The following WWP2 variants were observed in gnomAD, a reference collection of about 807,000 sequenced individuals.
The protein encoded by WWP2 is WW domain containing E3 ubiquitin protein ligase 2.
Under a neutral mutation model 121.0 loss-of-function variants are expected in WWP2, and 57 were observed. The observed-to-expected ratio is 0.47, with a 90% CI of 0.38 to 0.59. The LOEUF is 0.59. WWP2 is among the 20% of genes least tolerant of loss of function. WWP2 has a pLI of 0.00. For synonymous variants in WWP2, 449 were observed against 441.3 expected, an observed-to-expected ratio of 1.02 and a Z score of -0.22; for missense variants, 962 against 1,158.9, an observed-to-expected ratio of 0.83 and a Z score of 2.47.
Position 69,833,029 on chromosome 16 carries a change from T to C in WWP2, c.341-7097T>C, listed in dbSNP as rs1289418230. On this transcript the variant is annotated intron_variant, in intron 4 of 23. Transcript: ENST00000359154. The stretch of plus-strand genomic sequence containing the variant: ...CCACCACGTCCAACTAATTATTTTA[T>C]TTTATTTTTTATACAGATGGGGTCT... Among the ~76,000 whole-genome samples the C allele has an allele frequency of 4.6e-5, 7 of 152,096 alleles. No individual in the cohort carries two copies. In the East Asian group the frequency reaches 1.3e-3, roughly 29 times the overall value.
chr16:69,929,678 C>T (rs2058685897), intron 12 of WWP2, 149 bp downstream of exon 12: 1 of 693,728 alleles, frequency 1.4e-6, no homozygotes, highest in Non-Finnish European at 2.5e-6. Context: ...TCTCACCGTA[C>T]AGATACACTG....
In WWP2 at chr16:69,939,473, C is replaced by T. The variant is rs373742013; in HGVS notation, c.2513+60C>T. 2.3e-5 allele frequency: 36 copies of T among 1,574,014 alleles called. No individual in the cohort carries two copies. In the African/African-American group the frequency reaches 3.6e-4, roughly 16 times the overall value. On this transcript the variant is annotated intron_variant, in intron 23 of 23. Transcript: ENST00000359154. ...CCTCAGACCCGATGAGCTCCTGGGA[C>T]AGCCCAGTGGGTGTAGCAGCTTCAT...
intron 2 of WWP2, among the ~76,000 whole-genome samples, chr16:69,789,208 C>A (rs1156303837): frequency 1.3e-5 from 2 of 151,992 alleles, no homozygotes; most frequent in Non-Finnish European, 2.9e-5. Flanking sequence ...CCAGTGTGTG[C>A]CACCAGGCCT....
intron 8 of WWP2, among the ~76,000 whole-genome samples, chr16:69,890,546 G>A (rs2058007706): frequency 6.6e-6 from 1 of 152,128 alleles, no homozygotes; most frequent in African/African-American, 2.4e-5. Context: ...ATAATTTGGG[G>A]GGAACAATGC....
chr16:69,888,129 C>G lies in WWP2; in HGVS notation c.794C>G (p.Pro265Arg). 1 of 1,614,178 alleles carries G rather than the reference C, an allele frequency of 6.2e-7. No individual in the cohort carries two copies. The highest frequency in any genetic ancestry group is 8.5e-7 in the Non-Finnish European group (1 of 1,180,028). ...SPPAAPLSVT[P>R]NPNTTSLPAP... ...CCTGCTGCACCCTTGAGTGTGACCC[C>G]GAATCCCAACACGACTTCTCTCCCT... Residue 265 changes from proline (P) to arginine (R), a missense_variant, in exon 8 of 24, where the codon CCG (proline) becomes CGG (arginine). Physicochemically the swap from Pro to Arg is moderately radical, Grantham distance 103. Coordinates refer to ENST00000359154, the MANE Select transcript of WWP2 (RefSeq NM_001270454.2).
At chr16:69,787,550 A>T (rs1461570414) in intron 2 of WWP2, among the ~76,000 whole-genome samples, 1 of 152,172 alleles carries the variant, frequency 6.6e-6, no homozygotes, top group Non-Finnish European at 1.5e-5. Flanking sequence ...TGATCACACC[A>T]CTGCACTCAG....
intron 6 of WWP2, among the ~76,000 whole-genome samples, chr16:69,864,854 C>T (rs945757658): frequency 2.6e-5 from 4 of 152,040 alleles, no homozygotes; most frequent in Non-Finnish European, 4.4e-5. Flanking sequence ...TGAAGCAATC[C>T]GCCTGCCTCG....
intron 1 of WWP2, among the ~76,000 whole-genome samples, chr16:69,778,994 G>A (rs1488066431): frequency 6.6e-6 from 1 of 150,920 alleles, no homozygotes; most frequent in Non-Finnish European, 1.5e-5. Context: ...CTGTTGCCCA[G>A]GCTGGAGTGC....
intron 1 of WWP2, among the ~76,000 whole-genome samples, chr16:69,773,398 C>T (rs984328489): frequency 2.0e-5 from 3 of 152,130 alleles, no homozygotes; most frequent in East Asian, 1.9e-4. Context: ...GGGCTGATCT[C>T]GAACTCTTGA....
chr16:69,899,500 C>T (rs1466239843), intron 8 of WWP2, among the ~76,000 whole-genome samples: 3 of 152,066 alleles, frequency 2.0e-5, no homozygotes, highest in Non-Finnish European at 4.4e-5. Flanking sequence ...GAGGCCGAGG[C>T]AGGTGGATCA....
intron 2 of WWP2, among the ~76,000 whole-genome samples, chr16:69,791,765 C>T (rs1396283454): frequency 6.6e-6 from 1 of 152,048 alleles, no homozygotes; most frequent in Non-Finnish European, 1.5e-5. Flanking sequence ...AGCAGTTCTC[C>T]CACCTTGGCC....
rs768359017 is a variant in WWP2, at chr16:69,888,157, C to A, written c.822C>A (p.Ala274=). 5.0e-6 allele frequency: 8 copies of A among 1,614,084 alleles called. No homozygotes were observed. The South Asian group carries it at 8.8e-5, about 18-fold the overall frequency. ...TPNPNTTSLP[A]PATPAEGEEP... Reference sequence around the variant, plus strand: ...ATCCCAACACGACTTCTCTCCCTGCCCCAGCCACACCGGCTGAAGGAGAGG... The same window carrying A: ...ATCCCAACACGACTTCTCTCCCTGCACCAGCCACACCGGCTGAAGGAGAGG... The change falls in exon 8 of 24, where the codon GCC becomes GCA. Residue 274 remains alanine, a synonymous_variant. Transcript: ENST00000359154.
In WWP2 at chr16:69,935,727, T is replaced by C; in HGVS notation, c.1843-126T>C. ...CTCCCGCTGCGTCCGAGGCAGCTGCTGCTGTAGTTCTGTCAGGGAAGGAAG... is the reference window on the plus strand; with the variant it reads ...CTCCCGCTGCGTCCGAGGCAGCTGCCGCTGTAGTTCTGTCAGGGAAGGAAG... On this transcript the variant is annotated intron_variant, in intron 17 of 23. Transcript: ENST00000359154. This position sits in a 1 kb window ranked among gnomAD's most constrained non-coding sequence, Gnocchi z 5.2. The C allele has an allele frequency of 7.1e-7, 1 of 1,399,968 alleles. No homozygotes were observed. The highest frequency in any genetic ancestry group is 2.3e-5 in the East Asian group (1 of 43,472). 86.7% of individuals were successfully genotyped at this position (1,399,968 alleles called of 1,614,324 possible).
At chr16:69,903,364 C>T (rs1421554241) in intron 8 of WWP2, among the ~76,000 whole-genome samples, 2 of 152,176 alleles carry the variant, frequency 1.3e-5, no homozygotes, top group South Asian at 2.1e-4. Flanking sequence ...CATATTAAAA[C>T]GTTAGCCAAA....
rs1163208661 is a variant in WWP2 at position 69,818,272 on chromosome 16, A to G, written c.340+18977A>G. ...GCCCAGACTGGAGTGCAGTGGTGTG[A>G]TCTTGGCTCACTGCAACCTCTGCCT... On this transcript the variant is annotated intron_variant, in intron 4 of 23. Coordinates refer to ENST00000359154, the MANE Select transcript of WWP2 (RefSeq NM_001270454.2). Among the ~76,000 whole-genome samples, 5 of 151,390 alleles carry G rather than the reference A, an allele frequency of 3.3e-5. No individual in the cohort carries two copies. The East Asian group carries it at 7.8e-4, about 24-fold the overall frequency.
chr16:69,799,656 G>C lies in WWP2; in HGVS notation c.340+361G>C, dbSNP rs1359863692. On this transcript the variant is annotated intron_variant, in intron 4 of 23. Coordinates refer to ENST00000359154, the MANE Select transcript of WWP2 (RefSeq NM_001270454.2). The surrounding 1 kb of genome is among the most constrained non-coding windows in gnomAD (Gnocchi z 4.5). ...CTAAATCATTGCTTTTCTAGCCTCA[G>C]CCCTAAAACAGAACAAAGGAGCTGT... Among the ~76,000 whole-genome samples the C allele has an allele frequency of 6.6e-6, 1 of 152,174 alleles. No homozygotes were observed. The highest frequency in any genetic ancestry group is 2.4e-5 in the African/African-American group (1 of 41,444).
In WWP2 at chr16:69,925,061, C is replaced by T. The variant is rs907568285; in HGVS notation, c.1180-369C>T. ...TTCAGTCGCCTTGGCCGCCTTGAGC[C>T]GGAGCTGAGCGGAGGCACTGGGCCG... On this transcript the variant is annotated intron_variant, in intron 10 of 23. Transcript: ENST00000359154. This position sits in a 1 kb window ranked among gnomAD's most constrained non-coding sequence, Gnocchi z 4.0. The T allele has an allele frequency of 2.5e-5, 25 of 1,019,424 alleles. No individual in the cohort carries two copies. Among genetic ancestry groups the T allele is most frequent in the African/African-American group, 1.7e-4 (10 of 58,646 alleles). The allele number at this position is 1,019,424 out of a possible 1,614,324, so 63.1% of individuals were successfully genotyped here. A position where few individuals can be genotyped will look rare whatever the true frequency, so the allele number is the denominator to read the frequency against.
At chr16:69,762,894 A>G in intron 1 of WWP2, among the ~76,000 whole-genome samples, 1 of 152,036 alleles carries the variant, frequency 6.6e-6, no homozygotes, top group Non-Finnish European at 1.5e-5. Flanking sequence ...TGACGGTCCC[A>G]TTCAGTTTTT....
chr16:69,910,667 C>T (rs571409049), intron 9 of WWP2, among the ~76,000 whole-genome samples: 29 of 152,188 alleles, frequency 1.9e-4, no homozygotes, highest in Non-Finnish European at 4.0e-4. Context: ...CCTTTGCCTC[C>T]CAAAGTGCTG....
Sources: allele counts gnomAD v4.1 joint callset (sites outside exome capture counted in the v4.1 genomes callset), GRCh38; gene constraint gnomAD v4.1.1; non-coding constraint Gnocchi (gnomAD v3.1); transcripts MANE v1.5; gene names NCBI Gene and HGNC (gene_info 2026-07-23, HGNC 2026-07-21).